The following MITD1 variants were observed in gnomAD, a reference collection of about 807,000 sequenced individuals.
MITD1 encodes the protein MIT domain-containing protein 1.
In MITD1, 24 loss-of-function variants were observed where a neutral mutation model predicts 34.9. That is an observed-to-expected ratio of 0.69 (90% confidence interval 0.50 to 0.97). The LOEUF is 0.97. MITD1 is among the 50% of genes least tolerant of loss of function. The pLI is 0.00. For synonymous variants in MITD1, 102 were observed against 101.4 expected (o/e 1.01, Z -0.04); for missense variants, 266 against 294.6 (o/e 0.90, Z 0.71).
intron 1 of MITD1, among the ~76,000 whole-genome samples, chr2:99,180,021 C>A (rs1346455386): frequency 1.3e-5 from 2 of 152,122 alleles, no homozygotes; most frequent in African/African-American, 4.8e-5. Flanking sequence ...GGAGCAGGAG[C>A]TGATCTTATC....
chr2:99,176,808 G>A (rs2093890514), intron 1 of MITD1, among the ~76,000 whole-genome samples: 1 of 152,092 alleles, frequency 6.6e-6, no homozygotes, highest in African/African-American at 2.4e-5. Context: ...AACTCATCTT[G>A]TTTATTTTTT....
intron 7 of MITD1, among the ~76,000 whole-genome samples, chr2:99,164,132 T>C (rs1422773702): frequency 6.6e-6 from 1 of 152,340 alleles, no homozygotes; most frequent in Non-Finnish European, 1.5e-5. Context: ...TTATGTATCT[T>C]TCTGCTGGTG....
chr2:99,175,283 T>C lies in MITD1; in HGVS notation c.152-1267A>G, dbSNP rs542210337. Among the ~76,000 whole-genome samples the C allele has an allele frequency of 2.0e-5, 3 of 152,366 alleles. No individual in the cohort carries two copies. In the East Asian group the frequency reaches 5.8e-4, roughly 29 times the overall value. On this transcript the variant is annotated intron_variant, in intron 1 of 6. Coordinates refer to ENST00000289359, the MANE Select transcript of MITD1 (RefSeq NM_138798.3). ...TTGCTTTCTGGTCCAGGATCCCATA[T>C]TGCATTTAGTTATGTGTCCTTAGTC...
chr2:99,162,893 T>C (rs754005597), intron 7 of MITD1: 10 of 1,613,106 alleles, frequency 6.2e-6, no homozygotes, highest in East Asian at 2.2e-5. Context: ...TTTGTAATAT[T>C]GAAGCACCTG....
rs2093857741 is a variant in MITD1, at chr2:99,171,516, A to G, written c.384T>C (p.Thr128=). ...VWIEDPYIRH[T]HQLYNFLRFC... is the part of the protein sequence containing the mutation. ...TTTTAGTATGTTCACATACCTGATG[A>G]GTATGTCTAATATAAGGATCTTCTA... Residue 128 remains threonine (T), a synonymous_variant, in exon 3 of 7, where the codon ACT becomes ACC. Transcript: ENST00000289359. The G allele has an allele frequency of 6.2e-7, 1 of 1,604,856 alleles. No individual in the cohort carries two copies. The highest frequency in any genetic ancestry group is 8.5e-7 in the Non-Finnish European group (1 of 1,171,928).
chr2:99,176,030 TC>T (rs1220544559), intron 1 of MITD1, among the ~76,000 whole-genome samples: 1 of 152,146 alleles, frequency 6.6e-6, no homozygotes, highest in African/African-American at 2.4e-5. Context: ...AACCTCTGCC[TC>T]CCAGGCACAA....
At chr2:99,165,761 G>A (rs931941345), downstream of MITD1, among the ~76,000 whole-genome samples, 1 of 152,160 alleles carries the variant, frequency 6.6e-6, no homozygotes, top group African/African-American at 2.4e-5. Context: ...TTGAAGCTCA[G>A]ACGTGGGCAC....
chr2:99,162,618 A>G lies in MITD1; in HGVS notation c.*4-400T>C, dbSNP rs1214841721. On this transcript the variant is annotated intron_variant, in intron 7 of 7. Coordinates refer to the MITD1 transcript ENST00000422537. Reference sequence around the variant, plus strand: ...GAAAAATCTTTTGGAAAAGGATCCCACTCTGACCTGTGAAGTACTAATGAA... The same window carrying G: ...GAAAAATCTTTTGGAAAAGGATCCCGCTCTGACCTGTGAAGTACTAATGAA... 4 of 1,613,908 alleles carry G rather than the reference A, an allele frequency of 2.5e-6. No individual in the cohort carries two copies. The Admixed American group carries it at 6.7e-5, about 27-fold the overall frequency.
chr2:99,164,862 T>C (rs114796825), downstream of MITD1, among the ~76,000 whole-genome samples: 620 of 116,982 alleles, frequency 5.3e-3, 3 homozygotes, highest in African/African-American at 0.016. Flanking sequence ...AGAGAGAGGA[T>C]ATCATCAGGC....
intron 2 of MITD1, 146 bp downstream of exon 2, chr2:99,173,769 G>A: frequency 1.5e-6 from 1 of 664,736 alleles, no homozygotes; most frequent in Non-Finnish European, 2.7e-6. Context: ...TCCTGTATGG[G>A]AGTGGAAATA....
intron 1 of MITD1, among the ~76,000 whole-genome samples, chr2:99,179,699 AC>A (rs1172142714): frequency 4.6e-5 from 7 of 152,084 alleles, no homozygotes. Flanking sequence ...AGTGGCTGGG[AC>A]TACAGGTGCG....
rs989468985 is a variant in MITD1 at position 99,169,438 on chromosome 2, A to G, written c.687T>C (p.Asp229=). 6.2e-7 allele frequency: 1 copy of G among 1,607,990 alleles called. No homozygotes were observed. Among genetic ancestry groups the G allele is most frequent in the African/African-American group, 1.3e-5 (1 of 74,790 alleles). The change falls in exon 7 of 7, where the codon GAT becomes GAC. Residue 229 remains aspartate (D), a synonymous_variant. Coordinates refer to ENST00000289359, the MANE Select transcript of MITD1 (RefSeq NM_138798.3). ...SRFSLGYCDF[D]LRPCHETTVD... The stretch of plus-strand genomic sequence containing the variant: ...CTGTTGTTTCATGACATGGTCTTAA[A>G]TCAAAATCACAATATCCAAGGGAAA...
At position 99,162,945 on chromosome 2, in the gene MITD1, A is replaced by C. The variant is rs561840572; in HGVS notation, c.*4-727T>G. On this transcript the variant is annotated intron_variant, in intron 7 of 7. Coordinates refer to the MITD1 transcript ENST00000422537. ...GGAAATACGTGACAAATTAAATTCA[A>C]GTCTTATTGGCAGTAAGTTTTGCCC... 1.7e-5 allele frequency: 27 copies of C among 1,614,014 alleles called. No individual in the cohort carries two copies. The South Asian group carries it at 2.7e-4, about 16-fold the overall frequency.
intron 5 of MITD1, 115 bp from the exon 6 acceptor site, chr2:99,169,725 C>G: frequency 1.4e-6 from 1 of 719,972 alleles, no homozygotes; most frequent in Non-Finnish European, 2.4e-6. Context: ...ACCACTTCCT[C>G]CAGTGGCATG....
intron 1 of MITD1, among the ~76,000 whole-genome samples, chr2:99,177,430 T>C (rs1196354614): frequency 6.6e-6 from 1 of 152,210 alleles, no homozygotes; most frequent in Non-Finnish European, 1.5e-5. Flanking sequence ...TTAATTTTAA[T>C]TGGCACATAA....
chr2:99,174,377 A>G (rs2093875166), intron 1 of MITD1, among the ~76,000 whole-genome samples: 1 of 152,140 alleles, frequency 6.6e-6, no homozygotes, highest in Non-Finnish European at 1.5e-5. Flanking sequence ...GTAGCAAAAA[A>G]TATTTATCTT....
intron 2 of MITD1, chr2:99,171,964 A>G: frequency 4.4e-6 from 1 of 229,090 alleles, no homozygotes; most frequent in Non-Finnish European, 8.6e-6. Flanking sequence ...AGTAGTGTAT[A>G]TATAAAGGTA....
intron 7 of MITD1, chr2:99,162,643 A>G: frequency 6.2e-7 from 1 of 1,614,144 alleles, no homozygotes; most frequent in Non-Finnish European, 8.5e-7. Context: ...GTACTAATGA[A>G]TGCTGTTGCT....
chr2:99,162,014 C>T lies in MITD1; in HGVS notation c.*208G>A, dbSNP rs150251923. 121 of 1,613,538 alleles carry T rather than the reference C, an allele frequency of 7.5e-5. No individual in the cohort carries two copies. In the East Asian group the frequency reaches 2.4e-3, roughly 32 times the overall value. On this transcript the variant is annotated 3_prime_UTR_variant, in exon 8 of 8. Transcript: ENST00000422537. ...TCCAGTTACTTTGTAACTGCCAGGT[C>T]CCAGCAGCTGGCTTTAAAAAAACAG...
Sources: allele counts gnomAD v4.1 joint callset (sites outside exome capture counted in the v4.1 genomes callset), GRCh38; gene constraint gnomAD v4.1.1; transcripts MANE v1.5; gene names NCBI Gene and HGNC (gene_info 2026-07-23, HGNC 2026-07-21).